KDM4C: variants seen among roughly 807,000 people sequenced by gnomAD.
KDM4C encodes the protein lysine-specific demethylase 4C.
KDM4C carries 81 observed loss-of-function variants against 129.3 expected under a neutral mutation model. The ratio of observed to expected loss-of-function variants is 0.63; its 90% CI spans 0.52 to 0.75. The LOEUF (loss-of-function observed/expected upper bound fraction) is 0.75. Among genes scored for constraint, KDM4C ranks in the 30% least tolerant of loss-of-function variants. KDM4C has a pLI of 0.00. For missense variants in KDM4C, 1,457 were observed against 1,304.0 expected (o/e 1.12, Z -1.81); for synonymous variants, 573 against 456.1 (o/e 1.26, Z -3.26).
intron 5 of KDM4C, among the ~76,000 whole-genome samples, chr9:6,858,498 C>G (rs1014282782): frequency 2.0e-5 from 3 of 152,130 alleles, no homozygotes; most frequent in African/African-American, 4.8e-5. Flanking sequence ...TGCTGTTCAC[C>G]TCGCAAATTA....
At chr9:7,139,508 T>C (rs1225272283) in intron 19 of KDM4C, among the ~76,000 whole-genome samples, 1 of 152,192 alleles carries the variant, frequency 6.6e-6, no homozygotes, top group African/African-American at 2.4e-5. Flanking sequence ...ATGGAAAGAA[T>C]GTGGATGTGA....
chr9:6,953,701 G>A (rs564336124), intron 8 of KDM4C, among the ~76,000 whole-genome samples: 18 of 152,306 alleles, frequency 1.2e-4, no homozygotes, highest in Middle Eastern at 3.4e-3. Context: ...TGACCTTTGA[G>A]AGAACGGAGG....
intron 17 of KDM4C, among the ~76,000 whole-genome samples, chr9:7,075,549 C>G (rs952457344): frequency 6.6e-6 from 1 of 152,178 alleles, no homozygotes; most frequent in Admixed American, 6.5e-5. Context: ...TACCCTCTTT[C>G]ACCATGTGAT....
intron 3 of KDM4C, 38 bp from the exon 4 acceptor site, chr9:6,814,592 CT>C: frequency 7.7e-7 from 1 of 1,299,486 alleles, no homozygotes; most frequent in South Asian, 1.4e-5. Context: ...CTAAAACTGA[CT>C]TACTGGTTTG....
chr9:6,798,298 G>C (rs1373208356), intron 2 of KDM4C, among the ~76,000 whole-genome samples: 1 of 150,674 alleles, frequency 6.6e-6, no homozygotes, highest in Non-Finnish European at 1.5e-5. Context: ...GTTTCTCGCA[G>C]AGGGGGATTT....
At chr9:6,962,178 CA>C (rs1197365796) in intron 8 of KDM4C, among the ~76,000 whole-genome samples, 2 of 152,098 alleles carry the variant, frequency 1.3e-5, no homozygotes, top group Admixed American at 6.6e-5. Context: ...CATGTATGTA[CA>C]CATTTAAATA....
At chr9:7,167,599 C>T (rs966552603) in intron 20 of KDM4C, among the ~76,000 whole-genome samples, 1 of 152,218 alleles carries the variant, frequency 6.6e-6, no homozygotes, top group Admixed American at 6.5e-5. Flanking sequence ...CAAGGGTTCT[C>T]ATGTGACTGG....
intron 5 of KDM4C, among the ~76,000 whole-genome samples, chr9:6,852,333 T>C (rs1838999228): frequency 1.3e-5 from 2 of 152,180 alleles, no homozygotes; most frequent in South Asian, 2.1e-4. Context: ...ATCAGGGCTG[T>C]AGTCTTTATT....
chr9:7,097,660 A>G (rs1160647610), intron 17 of KDM4C, among the ~76,000 whole-genome samples: 1 of 152,088 alleles, frequency 6.6e-6, no homozygotes, highest in Admixed American at 6.6e-5. Context: ...TCAGGCTCAC[A>G]TGCTGCCTCG....
intron 3 of KDM4C, among the ~76,000 whole-genome samples, chr9:6,811,268 C>G (rs1831096417): frequency 6.6e-6 from 1 of 152,148 alleles, no homozygotes; most frequent in Admixed American, 6.5e-5. Context: ...ATTCTCCTGC[C>G]TCAGCCTCCC....
intron 19 of KDM4C, among the ~76,000 whole-genome samples, chr9:7,150,180 A>G (rs1199612697): frequency 6.6e-6 from 1 of 152,206 alleles, no homozygotes; most frequent in South Asian, 2.1e-4. Flanking sequence ...TGGTCCCCAC[A>G]GAGTGCCGCA....
intron 4 of KDM4C, among the ~76,000 whole-genome samples, chr9:6,833,402 A>G (rs1835272927): frequency 6.6e-6 from 1 of 152,176 alleles, no homozygotes; most frequent in Admixed American, 6.5e-5. Flanking sequence ...GATAGAGGGA[A>G]GTTTCTCCCT....
At chr9:6,867,093 G>T (rs1842158844) in intron 5 of KDM4C, among the ~76,000 whole-genome samples, 1 of 148,640 alleles carries the variant, frequency 6.7e-6, no homozygotes, top group African/African-American at 2.5e-5. Flanking sequence ...TCAGCTCACT[G>T]CAACCTCCGC....
chr9:6,853,442 G>A (rs1839214095), intron 5 of KDM4C, among the ~76,000 whole-genome samples: 1 of 152,194 alleles, frequency 6.6e-6, no homozygotes, highest in Non-Finnish European at 1.5e-5. Context: ...GCAGTGATCC[G>A]AGGTGGTGCC....
At chr9:7,074,423 T>G (rs1255748278) in intron 17 of KDM4C, among the ~76,000 whole-genome samples, 6 of 152,164 alleles carry the variant, frequency 3.9e-5, no homozygotes, top group African/African-American at 1.4e-4. Context: ...CACCTTGGTC[T>G]GCCAAAGTCC....
At chr9:6,962,420 A>G (rs1190617470) in intron 8 of KDM4C, among the ~76,000 whole-genome samples, 1 of 152,226 alleles carries the variant, frequency 6.6e-6, no homozygotes, top group Non-Finnish European at 1.5e-5. Flanking sequence ...GTTAAGGATA[A>G]TTGCAATTTT....
intron 18 of KDM4C, among the ~76,000 whole-genome samples, chr9:7,121,161 T>C (rs980592447): frequency 6.6e-6 from 1 of 152,204 alleles, no homozygotes; most frequent in Non-Finnish European, 1.5e-5. Context: ...GATAACTATT[T>C]AGCTCATGAT....
chr9:6,870,782 AG>A (rs1842724320), intron 5 of KDM4C, among the ~76,000 whole-genome samples: 1 of 151,908 alleles, frequency 6.6e-6, no homozygotes, highest in Non-Finnish European at 1.5e-5. Flanking sequence ...AACAACAAGC[AG>A]AAACATAAAT....
rs150223499 is a variant in KDM4C, at chr9:6,952,246, C to T, written c.922-28679C>T. ...ATGTTTAACATAGAGTTATTTAAAA[C>T]AGCAAAGCAAAGCAACCTGATGGTA... is the stretch of plus-strand genomic sequence containing the variant. On this transcript the variant is annotated intron_variant, in intron 8 of 21. Transcript: ENST00000381309. Among the ~76,000 whole-genome samples the T allele has an allele frequency of 5.9e-3, 900 of 151,986 alleles. 9 individuals carry two copies. Among genetic ancestry groups the T allele is most frequent in the African/African-American group, 0.021 (854 of 41,476 alleles).
Sources: gnomAD v4.1 joint callset for allele counts (sites outside exome capture counted in the v4.1 genomes callset) on GRCh38, gnomAD v4.1.1 for gene constraint, MANE v1.5 for transcripts, NCBI Gene and HGNC (gene_info 2026-07-23, HGNC 2026-07-21) for gene names.